RELN: variants seen among roughly 807,000 people sequenced by gnomAD.
The protein encoded by RELN is reelin.
RELN carries 108 observed loss-of-function variants against 427.6 expected under a neutral mutation model. The ratio of observed to expected loss-of-function variants is 0.25; its 90% CI spans 0.22 to 0.30. The LOEUF (loss-of-function observed/expected upper bound fraction) is 0.30. RELN is among the 10% of genes least tolerant of loss of function. The pLI is 1.00. For missense variants in RELN, 3,715 were observed against 4,302.8 expected (o/e 0.86, Z 3.82); for synonymous variants, 1,524 against 1,513.4 (o/e 1.01, Z -0.16).
intron 2 of RELN, among the ~76,000 whole-genome samples, chr7:103,858,936 A>G (rs1183848616): frequency 6.6e-6 from 1 of 152,180 alleles, no homozygotes; most frequent in African/African-American, 2.4e-5. Context: ...ATGAAGATGC[A>G]AACACAGGCT....
intron 23 of RELN, 63 bp downstream of exon 23, chr7:103,604,283 T>G (rs1831757771): frequency 1.3e-6 from 2 of 1,597,464 alleles, no homozygotes; most frequent in African/African-American, 1.3e-5. Context: ...ACAACTGCTG[T>G]GGTATCCTCC....
chr7:103,679,649 C>T (rs1203646759), intron 11 of RELN, among the ~76,000 whole-genome samples: 3 of 151,862 alleles, frequency 2.0e-5, no homozygotes, highest in African/African-American at 7.3e-5. Context: ...TCCTCTGTGT[C>T]CATATTGACT....
intron 1 of RELN, among the ~76,000 whole-genome samples, chr7:103,926,923 G>A (rs1028868592): frequency 2.0e-5 from 3 of 152,094 alleles, no homozygotes; most frequent in Admixed American, 1.3e-4. Context: ...GGGATTACAG[G>A]CGTGAGCCAC....
intron 20 of RELN, among the ~76,000 whole-genome samples, chr7:103,612,311 C>CTT (rs772526302): frequency 2.8e-5 from 4 of 142,802 alleles, no homozygotes; most frequent in Non-Finnish European, 4.6e-5. Context: ...TTAAATAAGC[C>CTT]TTTTTTTTTT....
At chr7:103,961,956 T>C (rs1365369916) in intron 1 of RELN, among the ~76,000 whole-genome samples, 4 of 152,128 alleles carry the variant, frequency 2.6e-5, no homozygotes, top group Non-Finnish European at 4.4e-5. Flanking sequence ...AAAATAAAAA[T>C]AAGCTCTTGT....
chr7:103,633,634 C>G (rs1321938105), intron 19 of RELN, among the ~76,000 whole-genome samples: 2 of 152,014 alleles, frequency 1.3e-5, no homozygotes, highest in East Asian at 3.9e-4. Flanking sequence ...TGTCAAATGG[C>G]AGGCAAGATT....
chr7:103,758,224 T>C (rs1192130089), intron 4 of RELN, among the ~76,000 whole-genome samples: 6 of 152,184 alleles, frequency 3.9e-5, no homozygotes, highest in Non-Finnish European at 5.9e-5. Flanking sequence ...TTGTAAAGCT[T>C]GATCAAGTTC....
chr7:103,705,686 C>T (rs1341871647), intron 8 of RELN, among the ~76,000 whole-genome samples: 1 of 152,112 alleles, frequency 6.6e-6, no homozygotes, highest in Non-Finnish European at 1.5e-5. Context: ...ATAGAGGGGA[C>T]AGGCTGCCAG....
intron 16 of RELN, among the ~76,000 whole-genome samples, chr7:103,648,773 G>A (rs1832848861): frequency 6.6e-6 from 1 of 151,946 alleles, no homozygotes; most frequent in Admixed American, 6.6e-5. Flanking sequence ...TAAAAAGTTG[G>A]CAAAGGACAT....
At chr7:103,947,870 C>T (rs1796251420) in intron 1 of RELN, among the ~76,000 whole-genome samples, 1 of 152,186 alleles carries the variant, frequency 6.6e-6, no homozygotes, top group Non-Finnish European at 1.5e-5. Context: ...GTTGCAATGG[C>T]ATTTGTTCCT....
At chr7:103,495,104 A>C (rs574544073) in intron 57 of RELN, among the ~76,000 whole-genome samples, 52 of 152,164 alleles carry the variant, frequency 3.4e-4, no homozygotes, top group Non-Finnish European at 6.3e-4. Flanking sequence ...TATATAAGAT[A>C]GAATATATTC....
At chr7:103,663,104 G>A (rs1403099951) in intron 11 of RELN, among the ~76,000 whole-genome samples, 1 of 152,090 alleles carries the variant, frequency 6.6e-6, no homozygotes, top group African/African-American at 2.4e-5. Context: ...AGATGTCCTT[G>A]AAATATCAAA....
At position 103,749,498 on chromosome 7, in the gene RELN, A is replaced by T; in HGVS notation, c.584T>A (p.Ile195Lys). Residue 195 changes from isoleucine (I) to lysine (K), a missense_variant, in exon 6 of 65, where the codon ATA becomes AAA. This residue lies in a region of RELN where 2,208 missense variants were observed against 2,361.7 expected (regional missense o/e 0.93). Coordinates refer to ENST00000428762, the MANE Select transcript of RELN (RefSeq NM_005045.4). The part of the protein sequence containing the change: ...DVTVHPHLAE[I>K]HSDSIILRDD... ...TCTCAGGATAATGCTGTCACTATGT[A>T]TTTCAGCTAAAAGAAAAAGGAAGTA... 3.7e-6 allele frequency: 6 copies of T among 1,610,924 alleles called. No homozygotes were observed. Among genetic ancestry groups the T allele is most frequent in the Non-Finnish European group, 5.1e-6 (6 of 1,177,170 alleles).
At chr7:103,930,089 T>G (rs1002712155) in intron 1 of RELN, among the ~76,000 whole-genome samples, 1 of 152,152 alleles carries the variant, frequency 6.6e-6, no homozygotes, top group Non-Finnish European at 1.5e-5. Flanking sequence ...GTACCACAGA[T>G]GGGGTGGTAT....
chr7:103,514,800 C>T (rs1829519414), intron 50 of RELN, among the ~76,000 whole-genome samples: 1 of 151,632 alleles, frequency 6.6e-6, no homozygotes, highest in Non-Finnish European at 1.5e-5. Context: ...TGCCCTGTAG[C>T]AAAACACAAT....
At chr7:103,837,757 T>C (rs1342661276) in intron 2 of RELN, among the ~76,000 whole-genome samples, 4 of 152,168 alleles carry the variant, frequency 2.6e-5, no homozygotes, top group Non-Finnish European at 5.9e-5. Flanking sequence ...GAGCAGTTCA[T>C]ACATCCCTTT....
At chr7:103,908,412 A>G (rs1358588504) in intron 2 of RELN, among the ~76,000 whole-genome samples, 1 of 152,142 alleles carries the variant, frequency 6.6e-6, no homozygotes, top group Admixed American at 6.6e-5. Context: ...ACTGGGCACC[A>G]TGGTTATTCT....
At chr7:103,712,547 T>C (rs1481803236) in intron 8 of RELN, among the ~76,000 whole-genome samples, 1 of 152,230 alleles carries the variant, frequency 6.6e-6, no homozygotes, top group Non-Finnish European at 1.5e-5. Flanking sequence ...GCATATGCCA[T>C]GCCTAGAGCA....
Position 103,572,194 on chromosome 7 carries a change from A to C in RELN, c.4578T>G (p.Thr1526=), listed in dbSNP as rs914979332. The change falls in exon 31 of 65, where the codon ACT becomes ACG. Residue 1526 remains threonine, a synonymous_variant. Coordinates refer to ENST00000428762, the MANE Select transcript of RELN (RefSeq NM_005045.4). ...TSGITCIKPR[T]RNEGLIVQYS... The stretch of plus-strand genomic sequence containing the variant: ...AATACAGCAGCTTACCTTCATTTCT[A>C]GTTCTTGGTTTGATGCAGGTAATGC... 6.4e-7 allele frequency: 1 copy of C among 1,564,168 alleles called. No homozygotes were observed. Among genetic ancestry groups the C allele is most frequent in the Non-Finnish European group, 8.8e-7 (1 of 1,134,546 alleles).
Sources: gnomAD v4.1 joint callset for allele counts (sites outside exome capture counted in the v4.1 genomes callset) on GRCh38, gnomAD v4.1.1 for gene constraint, gnomAD v4.1.1 regional missense constraint, MANE v1.5 for transcripts, NCBI Gene and HGNC (gene_info 2026-07-23, HGNC 2026-07-21) for gene names.